TSPAN16: variants seen among roughly 807,000 people sequenced by gnomAD.
TSPAN16 encodes the protein tetraspanin-16.
Under a neutral mutation model 25.2 loss-of-function variants are expected in TSPAN16, and 23 were observed. The ratio of observed to expected loss-of-function variants is 0.91; its 90% CI spans 0.66 to 1.29. TSPAN16 has a LOEUF of 1.29. Among genes scored for constraint, TSPAN16 ranks in the 50% most tolerant of loss-of-function variants. The probability of loss-of-function intolerance (pLI) is 0.00; values close to 1 mark genes in which losing one functional copy is unlikely to be tolerated. For synonymous variants in TSPAN16, 123 were observed against 124.4 expected, an observed-to-expected ratio of 0.99 and a Z score of 0.08; for missense variants, 272 against 299.9, an observed-to-expected ratio of 0.91 and a Z score of 0.69.
chr19:11,304,837 A>G (rs1381935529), intron 4 of TSPAN16, among the ~76,000 whole-genome samples: 1 of 151,806 alleles, frequency 6.6e-6, no homozygotes, highest in Non-Finnish European at 1.5e-5. Context: ...AATTTTTAGT[A>G]GAGACCTTTC....
chr19:11,302,660 C>CATATATATATTTTATATATATAT (rs1320880788), intron 4 of TSPAN16, among the ~76,000 whole-genome samples: 29 of 97,636 alleles, frequency 3.0e-4, no homozygotes, highest in African/African-American at 1.4e-3. Context: ...TATACACATA[C>CATATATATATTTTATATATATAT]ATATATATAT....
Position 11,296,261 on chromosome 19 carries a change from T to A in TSPAN16, c.-37T>A. On this transcript the variant is annotated 5_prime_UTR_variant, in exon 1 of 7. Coordinates refer to ENST00000590327, the MANE Select transcript of TSPAN16 (RefSeq NM_001282509.2). ...AGTAGCCCAGAGGTTCAGGAAGATGTTAACTTAAATGTTCAGGGTGCCCCA... is the reference window on the plus strand; with the variant it reads ...AGTAGCCCAGAGGTTCAGGAAGATGATAACTTAAATGTTCAGGGTGCCCCA... 6.2e-7 allele frequency: 1 copy of A among 1,605,172 alleles called. No homozygotes were observed. The highest frequency in any genetic ancestry group is 1.1e-5 in the South Asian group (1 of 90,700).
At chr19:11,305,557 A>G (rs28640221) in intron 4 of TSPAN16, among the ~76,000 whole-genome samples, 105 of 150,976 alleles carry the variant, frequency 7.0e-4, no homozygotes, top group African/African-American at 2.5e-3. Flanking sequence ...TAAAAATAAA[A>G]ATAAAAATAA....
Position 11,315,766 on chromosome 19 carries a change from A to ATGT in TSPAN16, c.688-23_688-21dup. ...TTTGGAGGTCTCTAGCATTGGATCC[A>ATGT]TGTTTCTTTCTTCACGCATTTCAGT... On this transcript the variant is annotated intron_variant, in intron 6 of 6. Transcript: ENST00000590327. The ATGT allele has an allele frequency of 2.4e-6, 3 of 1,231,292 alleles. No individual in the cohort carries two copies. In the East Asian group the frequency reaches 9.5e-5, roughly 39 times the overall value. The allele number at this position is 1,231,292 out of a possible 1,614,324, so 76.3% of individuals were successfully genotyped here. A position where few individuals can be genotyped will look rare whatever the true frequency, so the allele number is the denominator to read the frequency against.
rs775707184 is a variant in TSPAN16 at position 11,312,183 on chromosome 19, C to T, written c.648C>T (p.Phe216=). The change falls in exon 6 of 7, where the codon TTC becomes TTT. Residue 216 remains phenylalanine (F), a synonymous_variant. Coordinates refer to ENST00000590327, the MANE Select transcript of TSPAN16 (RefSeq NM_001282509.2). ...KLLKITKTQS[F]TLSGSSLGAA... ...TAAAAATCACCAAGACTCAGAGCTT[C>T]ACCCTGAGTGGGAGCTCTCTGGGAG... 3 of 1,612,522 alleles carry T rather than the reference C, an allele frequency of 1.9e-6. No homozygotes were observed. The African/African-American group carries it at 4.0e-5, about 22-fold the overall frequency.
intron 6 of TSPAN16, among the ~76,000 whole-genome samples, chr19:11,313,208 T>C (rs369239616): frequency 5.5e-4 from 83 of 152,134 alleles, no homozygotes; most frequent in African/African-American, 1.9e-3. Flanking sequence ...GATATTGCAA[T>C]GACATAAGAA....
At chr19:11,326,245 G>A (rs318686) in intron 6 of TSPAN16, among the ~76,000 whole-genome samples, 15,554 of 151,508 alleles carry the variant, frequency 0.1, 1,177 homozygotes, top group African/African-American at 0.21. Context: ...GAGGGGCATG[G>A]TGGCGTTCAC....
chr19:11,314,034 T>C (rs1190503919), intron 6 of TSPAN16, among the ~76,000 whole-genome samples: 2 of 152,182 alleles, frequency 1.3e-5, no homozygotes, highest in African/African-American at 2.4e-5. Context: ...CAAAAACTTA[T>C]TGATATATGC....
chr19:11,297,621 T>C (rs1180714028), intron 1 of TSPAN16, among the ~76,000 whole-genome samples: 1 of 151,998 alleles, frequency 6.6e-6, no homozygotes, highest in Non-Finnish European at 1.5e-5. Flanking sequence ...CTCAGCCTCC[T>C]GAGTAGCTGG....
At chr19:11,321,860 T>G (rs975982933) in intron 6 of TSPAN16, among the ~76,000 whole-genome samples, 1 of 152,076 alleles carries the variant, frequency 6.6e-6, no homozygotes, top group African/African-American at 2.4e-5. Context: ...TAGAAGTAGT[T>G]GAGGGAAATA....
chr19:11,304,710 G>A (rs2147943642), intron 4 of TSPAN16, among the ~76,000 whole-genome samples: 1 of 151,842 alleles, frequency 6.6e-6, no homozygotes, highest in South Asian at 2.1e-4. Flanking sequence ...ATTTTTAGTA[G>A]AAACGGGGTT....
intron 4 of TSPAN16, 31 bp from the exon 5 acceptor site, chr19:11,306,573 A>G (rs1417201168): frequency 6.2e-7 from 1 of 1,611,150 alleles, no homozygotes; most frequent in Non-Finnish European, 8.5e-7. Flanking sequence ...TTTGAAAGGG[A>G]CTCTCCAAGT....
chr19:11,297,989 T>C lies in TSPAN16; in HGVS notation c.70-153T>C, dbSNP rs554376351. Among the ~76,000 whole-genome samples the C allele has an allele frequency of 2.0e-5, 3 of 150,918 alleles. No individual in the cohort carries two copies. In the South Asian group the frequency reaches 6.3e-4, roughly 32 times the overall value. On this transcript the variant is annotated intron_variant, in intron 1 of 6. Coordinates refer to ENST00000590327, the MANE Select transcript of TSPAN16 (RefSeq NM_001282509.2). The stretch of plus-strand genomic sequence containing the variant: ...TGTTGGGGAGAGGGTACAGATGAGG[T>C]CTTACCAAGCTGGTCTTGAACTCCT...
chr19:11,320,177 A>G (rs569095875), downstream of TSPAN16, among the ~76,000 whole-genome samples: 462 of 139,440 alleles, frequency 3.3e-3, 2 homozygotes, highest in African/African-American at 0.013. Context: ...GCTGGAGTGC[A>G]ATGGCACGAT....
Position 11,312,238 on chromosome 19 carries a change from T to C in TSPAN16, c.687+16T>C, listed in dbSNP as rs376722300. 79 of 1,589,168 alleles carry C rather than the reference T, an allele frequency of 5.0e-5. No individual in the cohort carries two copies. The African/African-American group carries it at 7.7e-4, about 15-fold the overall frequency. ...AGTGATACAGGTAAGACCCAGCCTCTCTAGGGTCTTTGAGCTGTTTTATTA... is the reference window on the plus strand; with the variant it reads ...AGTGATACAGGTAAGACCCAGCCTCCCTAGGGTCTTTGAGCTGTTTTATTA... On this transcript the variant is annotated intron_variant, in intron 6 of 6. Transcript: ENST00000590327.
Position 11,296,356 on chromosome 19 carries a change from G to T in TSPAN16, c.59G>T (p.Gly20Val). The change falls in exon 1 of 7, where the codon GGC (glycine) becomes GTC (valine). Residue 20 changes from glycine to valine, a missense_variant. Physicochemically the swap from Gly to Val is moderately radical, Grantham distance 109. Coordinates refer to ENST00000590327, the MANE Select transcript of TSPAN16 (RefSeq NM_001282509.2). ...AAGAAACTGTTATCTTTACTCAATGGCTTCGTGGCTGTAAGTATGTCACAA... is the reference window on the plus strand; with the variant it reads ...AAGAAACTGTTATCTTTACTCAATGTCTTCGTGGCTGTAAGTATGTCACAA... ...SLKKLLSLLN[G>V]FVAVSGIILV... 1 of 1,614,156 alleles carries T rather than the reference G, an allele frequency of 6.2e-7. No individual in the cohort carries two copies. Among genetic ancestry groups the T allele is most frequent in the Non-Finnish European group, 8.5e-7 (1 of 1,180,014 alleles).
At chr19:11,298,410 C>A in intron 2 of TSPAN16, 71 bp downstream of exon 2, 1 of 1,469,988 alleles carries the variant, frequency 6.8e-7, no homozygotes, top group Non-Finnish European at 9.3e-7. Context: ...GTGCGTGTTG[C>A]AAACAACTTT....
chr19:11,297,600 G>A (rs2080493113), intron 1 of TSPAN16, among the ~76,000 whole-genome samples: 1 of 152,014 alleles, frequency 6.6e-6, no homozygotes, highest in African/African-American at 2.4e-5. Flanking sequence ...AGGTTTAAGC[G>A]ATTCTTCTGC....
chr19:11,307,828 C>G (rs1187487128), intron 5 of TSPAN16: 9 of 152,194 alleles, frequency 5.9e-5, no homozygotes, highest in African/African-American at 1.7e-4. Flanking sequence ...ATTTTGACAA[C>G]ACAGAGCAGG....
Sources: allele counts gnomAD v4.1 joint callset (sites outside exome capture counted in the v4.1 genomes callset), GRCh38; gene constraint gnomAD v4.1.1; transcripts MANE v1.5; gene names NCBI Gene and HGNC (gene_info 2026-07-23, HGNC 2026-07-21).